MED27: variants seen among roughly 807,000 people sequenced by gnomAD.
MED27 encodes mediator complex subunit 27.
Under a neutral mutation model 38.2 loss-of-function variants are expected in MED27, and 30 were observed. The observed-to-expected ratio is 0.79, with a 90% confidence interval of 0.59 to 1.07. MED27 has a LOEUF of 1.07. Among genes scored for constraint, MED27 ranks in the 50% least tolerant of loss-of-function variants. The pLI is 0.00. For missense variants in MED27, 289 were observed against 397.5 expected, an observed-to-expected ratio of 0.73 and a Z score of 2.32; for synonymous variants, 122 against 153.5, an observed-to-expected ratio of 0.79 and a Z score of 1.52.
chr9:131,979,281 A>C (rs1449541955), intron 3 of MED27, among the ~76,000 whole-genome samples: 1 of 152,152 alleles, frequency 6.6e-6, no homozygotes, highest in Non-Finnish European at 1.5e-5. Context: ...CATTTTAAAG[A>C]ACAGCATCAG....
chr9:131,977,691 C>G (rs1183452753), intron 3 of MED27, among the ~76,000 whole-genome samples: 4 of 152,028 alleles, frequency 2.6e-5, no homozygotes, highest in African/African-American at 7.3e-5. Flanking sequence ...TAGGTCATTG[C>G]AAAAATGAAT....
At chr9:131,962,154 A>T (rs905877750) in intron 3 of MED27, among the ~76,000 whole-genome samples, 1 of 152,226 alleles carries the variant, frequency 6.6e-6, no homozygotes, top group Non-Finnish European at 1.5e-5. Context: ...GTGGCTACTG[A>T]TAAGCATTGT....
At chr9:131,906,809 G>A (rs927064606) in intron 4 of MED27, among the ~76,000 whole-genome samples, 2 of 152,202 alleles carry the variant, frequency 1.3e-5, no homozygotes, top group African/African-American at 4.8e-5. Context: ...TCCATAGACA[G>A]GCTGCTCAAC....
intron 4 of MED27, among the ~76,000 whole-genome samples, chr9:131,908,328 G>A (rs1033926188): frequency 6.6e-6 from 1 of 152,130 alleles, no homozygotes; most frequent in African/African-American, 2.4e-5. Context: ...CGCCCATACT[G>A]GGAAATGAGG....
At chr9:131,903,207 A>G (rs2131520688) in intron 4 of MED27, among the ~76,000 whole-genome samples, 1 of 152,362 alleles carries the variant, frequency 6.6e-6, no homozygotes, top group Middle Eastern at 3.4e-3. Flanking sequence ...TCATGGCGGA[A>G]GGCAAGGAGG....
chr9:132,048,659 A>AC (rs1833398082), intron 2 of MED27, among the ~76,000 whole-genome samples: 1 of 152,100 alleles, frequency 6.6e-6, no homozygotes, highest in Admixed American at 6.5e-5. Flanking sequence ...CAACAGCAGA[A>AC]CCCCTCTGGA....
intron 4 of MED27, among the ~76,000 whole-genome samples, chr9:131,938,993 G>A (rs905386015): frequency 9.2e-5 from 14 of 152,188 alleles, no homozygotes; most frequent in African/African-American, 3.1e-4. Context: ...GATTACAGGC[G>A]TGAGTCACCG....
At chr9:131,960,768 G>A (rs1281699184) in intron 3 of MED27, among the ~76,000 whole-genome samples, 1 of 152,122 alleles carries the variant, frequency 6.6e-6, no homozygotes, top group African/African-American at 2.4e-5. Flanking sequence ...TAACAACAAG[G>A]GGAGAGTGTC....
At chr9:131,911,261 G>C (rs761894515) in intron 4 of MED27, among the ~76,000 whole-genome samples, 1 of 152,170 alleles carries the variant, frequency 6.6e-6, no homozygotes, top group Non-Finnish European at 1.5e-5. Flanking sequence ...TGGGAAAACA[G>C]TACCACTAAA....
intron 3 of MED27, among the ~76,000 whole-genome samples, chr9:131,964,331 G>T (rs868839183): frequency 3.0e-5 from 3 of 100,920 alleles, no homozygotes; most frequent in Non-Finnish European, 6.5e-5. Context: ...TGGTGGAGGT[G>T]ATGGTGGTGG....
At chr9:131,875,915 CTGTTTTACAGA>C (rs1838923289) in intron 6 of MED27, among the ~76,000 whole-genome samples, 2 of 152,232 alleles carry the variant, frequency 1.3e-5, no homozygotes, top group South Asian at 4.1e-4. Flanking sequence ...GGCTGCGTCT[CTGTTTTACAGA>C]TGAGGAAACT....
intron 3 of MED27, among the ~76,000 whole-genome samples, chr9:131,993,057 C>T (rs558333514): frequency 5.3e-5 from 8 of 152,228 alleles, no homozygotes; most frequent in African/African-American, 1.4e-4. Flanking sequence ...CACTCCAGAA[C>T]CTGTTTGTTT....
chr9:131,980,557 T>C (rs892675113), intron 3 of MED27, among the ~76,000 whole-genome samples: 1 of 152,142 alleles, frequency 6.6e-6, no homozygotes, highest in Non-Finnish European at 1.5e-5. Context: ...TACAAAATAA[T>C]ACATCACTCT....
chr9:132,000,344 T>C (rs1382579401), intron 3 of MED27, among the ~76,000 whole-genome samples: 1 of 152,106 alleles, frequency 6.6e-6, no homozygotes, highest in Non-Finnish European at 1.5e-5. Context: ...ATTAAAAAGA[T>C]GGACAATGTC....
Position 131,889,321 on chromosome 9 carries a change from G to A in MED27, c.681+4564C>T, listed in dbSNP as rs1839190839. On this transcript the variant is annotated intron_variant, in intron 5 of 7. Coordinates refer to ENST00000292035, the MANE Select transcript of MED27 (RefSeq NM_004269.4). This position sits in a 1 kb window ranked among gnomAD's most constrained non-coding sequence, Gnocchi z 4.2. ...AAAAGCTGCCTTTTTTATTGATATGGGGTAATTAATGAAGCTATAGCATTA... is the reference window on the plus strand; with the variant it reads ...AAAAGCTGCCTTTTTTATTGATATGAGGTAATTAATGAAGCTATAGCATTA... 6.6e-6 allele frequency among the ~76,000 whole-genome samples: 1 copy of A among 152,082 alleles called. No homozygotes were observed. Among genetic ancestry groups the A allele is most frequent in the East Asian group, 1.9e-4 (1 of 5,194 alleles).
At chr9:132,012,656 C>T (rs1271486252) in intron 3 of MED27, among the ~76,000 whole-genome samples, 3 of 152,136 alleles carry the variant, frequency 2.0e-5, no homozygotes, top group Non-Finnish European at 2.9e-5. Context: ...TCAGAGAAGC[C>T]CTCTTTGATC....
At chr9:131,980,169 TA>T (rs1275227854) in intron 3 of MED27, among the ~76,000 whole-genome samples, 2 of 145,562 alleles carry the variant, frequency 1.4e-5, no homozygotes, top group African/African-American at 2.5e-5. Context: ...CACACACACG[TA>T]TGTATAAAAG....
At position 131,955,132 on chromosome 9, in the gene MED27, C is replaced by CA. The variant is rs543486975; in HGVS notation, c.480-15659dup. 2.9e-3 allele frequency among the ~76,000 whole-genome samples: 441 copies of CA among 152,102 alleles called. 1 individual carries two copies. Among genetic ancestry groups the CA allele is most frequent in the African/African-American group, 9.8e-3 (408 of 41,472 alleles). ...TGAAAAATAAATAACAAAAATATAACATAAAGAGCCCCCATATATTCAGAA... is the reference window on the plus strand; with the variant it reads ...TGAAAAATAAATAACAAAAATATAACAATAAAGAGCCCCCATATATTCAGAA... On this transcript the variant is annotated intron_variant, in intron 3 of 7. Transcript: ENST00000292035.
At chr9:132,019,735 C>T (rs780793602) in intron 2 of MED27, among the ~76,000 whole-genome samples, 12 of 152,230 alleles carry the variant, frequency 7.9e-5, no homozygotes, top group Non-Finnish European at 1.5e-4. Context: ...AGCTCTGTCC[C>T]GCGGGGATAG....
Sources: gnomAD v4.1 joint callset for allele counts (sites outside exome capture counted in the v4.1 genomes callset) on GRCh38, gnomAD v4.1.1 for gene constraint, Gnocchi (gnomAD v3.1) non-coding constraint, MANE v1.5 for transcripts, NCBI Gene and HGNC (gene_info 2026-07-23, HGNC 2026-07-21) for gene names.